PHF14: variants seen among roughly 807,000 people sequenced by gnomAD.
PHF14 encodes PHD finger protein 14.
Under a neutral mutation model 117.9 loss-of-function variants are expected in PHF14, and 55 were observed. That is an observed-to-expected ratio of 0.47 (90% confidence interval 0.38 to 0.58). The LOEUF is 0.58. Among genes scored for constraint, PHF14 ranks in the 20% least tolerant of loss-of-function variants. The probability of loss-of-function intolerance (pLI) is 0.00; values close to 1 mark genes in which losing one functional copy is unlikely to be tolerated. For missense variants in PHF14, 978 were observed against 1,122.2 expected (o/e 0.87, Z 1.84); for synonymous variants, 409 against 368.6 (o/e 1.11, Z -1.26).
chr7:11,137,085 C>T (rs577236917), intron 17 of PHF14, among the ~76,000 whole-genome samples: 7 of 152,308 alleles, frequency 4.6e-5, no homozygotes, highest in East Asian at 3.9e-4. Context: ...TGTGACTCCA[C>T]GGCTTAAACC....
intron 17 of PHF14, among the ~76,000 whole-genome samples, chr7:11,131,921 T>C (rs933311838): frequency 9.2e-5 from 14 of 151,864 alleles, no homozygotes; most frequent in South Asian, 2.1e-4. Context: ...TGCTTTCTTA[T>C]GTTACAACAA....
At chr7:11,104,292 T>C (rs1456160834) in intron 16 of PHF14, 3 of 983,902 alleles carry the variant, frequency 3.0e-6, no homozygotes, top group Non-Finnish European at 3.6e-6. Context: ...TCACATGTTA[T>C]ACATATAGAC....
At chr7:11,162,072 CTTTTTTTTTTTTTTTTTTTTT>C (rs564998009) in intron 17 of PHF14, among the ~76,000 whole-genome samples, 1 of 70,274 alleles carries the variant, frequency 1.4e-5, no homozygotes, top group Non-Finnish European at 3.0e-5. Flanking sequence ...AAAAATATGT[CTTTTTTTTTTTTTTTTTTTTT>C]TTTTTTTTTT....
intron 2 of PHF14, among the ~76,000 whole-genome samples, chr7:10,976,542 TCTTGA>T (rs1781872058): frequency 6.6e-6 from 1 of 152,116 alleles, no homozygotes; most frequent in Non-Finnish European, 1.5e-5. Context: ...TGACAATAAA[TCTTGA>T]CTTTATGGAC....
chr7:11,167,526 A>T (rs993447200), intron 17 of PHF14, among the ~76,000 whole-genome samples: 2 of 152,180 alleles, frequency 1.3e-5, no homozygotes, highest in African/African-American at 4.8e-5. Flanking sequence ...ACAACTATAT[A>T]CTAAGTATGT....
chr7:11,152,263 G>A (rs1788722979), intron 17 of PHF14, among the ~76,000 whole-genome samples: 1 of 152,086 alleles, frequency 6.6e-6, no homozygotes, highest in Admixed American at 6.6e-5. Flanking sequence ...ACGGTATATT[G>A]AAAAGGGAAT....
chr7:10,982,844 G>T lies in PHF14; in HGVS notation c.585G>T (p.Val195=), dbSNP rs1220086401. Residue 195 remains valine, a synonymous_variant, in exon 3 of 18, where the codon GTG becomes GTT. Coordinates refer to ENST00000634607, the MANE Select transcript of PHF14 (RefSeq NM_001007157.2). ...LRRNRPLLDF[V]SMEELNDMDD... is the part of the protein sequence containing the mutation. ...GAAACCGACCACTTCTGGATTTTGT[G>T]TCCATGGAAGAGCTGAATGACATGG... 14 of 1,613,892 alleles carry T rather than the reference G, an allele frequency of 8.7e-6. No homozygotes were observed. The highest frequency in any genetic ancestry group is 1.1e-5 in the Non-Finnish European group (13 of 1,179,866).
rs558347598 is a variant in PHF14 at position 11,040,700 on chromosome 7, C to T, written c.2105C>T (p.Ala702Val). The change falls in exon 12 of 18, where the codon GCA becomes GTA. Residue 702 changes from alanine (A) to valine (V), a missense_variant. By Grantham distance (64) the Ala-to-Val change is moderately conservative (BLOSUM62 0). Around this residue, in one of 7 missense-constraint regions of PHF14, gnomAD observed 237 missense variants for 276.4 expected, o/e 0.86. Transcript: ENST00000634607. ...QKLNIPAILR[A>V]PKERKPSKKE... ...TTGAATATACCGGCAATTTTGCGAG[C>T]ACCCAAGGAGAGAAAACCAAGTAAA... The T allele has an allele frequency of 1.3e-6, 2 of 1,562,946 alleles. No homozygotes were observed. The highest frequency in any genetic ancestry group is 2.4e-5 in the East Asian group (1 of 42,496).
intron 17 of PHF14, among the ~76,000 whole-genome samples, chr7:11,122,272 G>A (rs890315043): frequency 1.4e-5 from 2 of 144,904 alleles, no homozygotes; most frequent in Admixed American, 1.4e-4. Flanking sequence ...GTTTACCATG[G>A]GTAACTGAAA....
At chr7:10,989,756 G>T (rs1381455881) in intron 3 of PHF14, among the ~76,000 whole-genome samples, 1 of 152,088 alleles carries the variant, frequency 6.6e-6, no homozygotes, top group African/African-American at 2.4e-5. Context: ...TTAGCCACCT[G>T]AGTACCTGGG....
intron 17 of PHF14, among the ~76,000 whole-genome samples, chr7:11,162,342 G>A (rs560862423): frequency 2.0e-5 from 3 of 152,078 alleles, no homozygotes; most frequent in Admixed American, 6.5e-5. Flanking sequence ...CACCCACCTC[G>A]GCCTTCCACA....
intron 17 of PHF14, among the ~76,000 whole-genome samples, chr7:11,122,400 T>C (rs185615595): frequency 0.02 from 2,246 of 115,034 alleles, 113 homozygotes; most frequent in East Asian, 0.14. Context: ...TACACACACA[T>C]ATATATATAC....
chr7:11,083,706 C>T (rs545386293), intron 16 of PHF14, among the ~76,000 whole-genome samples: 40 of 152,060 alleles, frequency 2.6e-4, no homozygotes, highest in Non-Finnish European at 4.7e-4. Flanking sequence ...CGTGACCCAC[C>T]CCCTTGGCCT....
intron 17 of PHF14, among the ~76,000 whole-genome samples, chr7:11,117,533 T>A (rs1049079400): frequency 1.3e-5 from 2 of 149,212 alleles, no homozygotes; most frequent in African/African-American, 5.0e-5. Context: ...TTATTTTTTA[T>A]CTTTTCTGCA....
chr7:11,032,434 G>C (rs187887740), intron 7 of PHF14, among the ~76,000 whole-genome samples: 10 of 151,492 alleles, frequency 6.6e-5, no homozygotes, highest in African/African-American at 2.2e-4. Flanking sequence ...GACCGAAGTT[G>C]TGTCTTCTTT....
chr7:11,019,811 A>C (rs1783670355), intron 5 of PHF14, among the ~76,000 whole-genome samples: 2 of 151,988 alleles, frequency 1.3e-5, no homozygotes, highest in African/African-American at 4.8e-5. Context: ...TCTTTAAGAT[A>C]TGTCATTGGA....
At chr7:10,998,083 T>C (rs987123422) in intron 4 of PHF14, among the ~76,000 whole-genome samples, 1 of 151,812 alleles carries the variant, frequency 6.6e-6, no homozygotes, top group Non-Finnish European at 1.5e-5. Context: ...AGGAAAATAG[T>C]GAGGAAAGAA....
At chr7:11,124,665 A>G (rs1787866873) in intron 17 of PHF14, among the ~76,000 whole-genome samples, 1 of 152,096 alleles carries the variant, frequency 6.6e-6, no homozygotes, top group Non-Finnish European at 1.5e-5. Flanking sequence ...TTACACAGCT[A>G]ATAAGTGATA....
intron 4 of PHF14, among the ~76,000 whole-genome samples, chr7:11,003,379 G>A (rs1355078043): frequency 6.6e-6 from 1 of 152,124 alleles, no homozygotes; most frequent in Non-Finnish European, 1.5e-5. Flanking sequence ...GATTCCTCTT[G>A]TTCCACAAAT....
Sources: allele counts gnomAD v4.1 joint callset (sites outside exome capture counted in the v4.1 genomes callset), GRCh38; gene constraint gnomAD v4.1.1; regional missense constraint gnomAD v4.1.1; transcripts MANE v1.5; gene names NCBI Gene and HGNC (gene_info 2026-07-23, HGNC 2026-07-21).